PLAUR: variants seen among roughly 807,000 people sequenced by gnomAD.
PLAUR encodes the protein plasminogen activator, urokinase receptor.
In PLAUR, 22 loss-of-function variants were observed where a neutral mutation model predicts 33.4. That is an observed-to-expected ratio of 0.66 (90% CI 0.47 to 0.94). The LOEUF is 0.94. PLAUR is among the 40% of genes least tolerant of loss of function. PLAUR has a pLI of 0.00. For synonymous variants in PLAUR, 148 were observed against 167.3 expected, an observed-to-expected ratio of 0.88 and a Z score of 0.89; for missense variants, 408 against 434.7, an observed-to-expected ratio of 0.94 and a Z score of 0.55.
intron 3 of PLAUR, among the ~76,000 whole-genome samples, chr19:43,662,777 C>T (rs1053048317): frequency 6.6e-6 from 1 of 151,166 alleles, no homozygotes; most frequent in Non-Finnish European, 1.5e-5. Context: ...TACAGTGGTG[C>T]GATCATAGCT....
chr19:43,661,226 C>T (rs1349456534), intron 3 of PLAUR: 2 of 152,160 alleles, frequency 1.3e-5, no homozygotes, highest in East Asian at 1.9e-4. Context: ...AAACTCCAAC[C>T]TCCGTCTTCT....
chr19:43,667,770 TACCAAC>T lies in PLAUR; in HGVS notation c.56-85_56-80del, dbSNP rs749021473. 1.4e-5 allele frequency: 21 copies of T among 1,550,238 alleles called. No individual in the cohort carries two copies. The African/African-American group carries it at 1.9e-4, about 14-fold the overall frequency. On this transcript the variant is annotated intron_variant, in intron 1 of 6. Coordinates refer to ENST00000340093, the MANE Select transcript of PLAUR (RefSeq NM_002659.4). ...CCCCGCTCACCCCTGCATGTCCCAA[TACCAAC>T]ACCAAGTCTCCAGGCCCCGTCCATT...
chr19:43,668,502 C>T lies in PLAUR; in HGVS notation c.56-811G>A, dbSNP rs376425544. Among the ~76,000 whole-genome samples the T allele has an allele frequency of 5.4e-5, 8 of 149,160 alleles. No homozygotes were observed. The East Asian group carries it at 8.0e-4, about 15-fold the overall frequency. On this transcript the variant is annotated intron_variant, in intron 1 of 6. Transcript: ENST00000340093. Reference sequence around the variant, plus strand: ...TTGAGATTCTAACTTCGCCCTTTAGCTCTCCCCGCCCCTAGTTTTCCCCTG... The same window carrying T: ...TTGAGATTCTAACTTCGCCCTTTAGTTCTCCCCGCCCCTAGTTTTCCCCTG...
chr19:43,664,533 C>G (rs572264619), intron 3 of PLAUR, among the ~76,000 whole-genome samples: 1 of 152,332 alleles, frequency 6.6e-6, no homozygotes, highest in African/African-American at 2.4e-5. Flanking sequence ...TGGTCTTAAA[C>G]TCTTGGGCTC....
rs76541441 is a variant in PLAUR, at chr19:43,664,706, T to C, written c.310+610A>G. ...CCAGCCTACTGCGGCCCATTTAATCTTCCCCTCTTTCGACTTCCCTTAAGA... is the reference window on the plus strand; with the variant it reads ...CCAGCCTACTGCGGCCCATTTAATCCTCCCCTCTTTCGACTTCCCTTAAGA... On this transcript the variant is annotated intron_variant, in intron 3 of 6. Coordinates refer to ENST00000340093, the MANE Select transcript of PLAUR (RefSeq NM_002659.4). Among the ~76,000 whole-genome samples the C allele has an allele frequency of 4.1e-3, 623 of 152,334 alleles. 5 individuals are homozygous for C. Among genetic ancestry groups the C allele is most frequent in the African/African-American group, 0.014 (591 of 41,576 alleles).
In PLAUR at chr19:43,652,211, G is replaced by C; in HGVS notation, c.754+14C>G. 2 of 1,613,484 alleles carry C rather than the reference G, an allele frequency of 1.2e-6. No individual in the cohort carries two copies. Among genetic ancestry groups the C allele is most frequent in the African/African-American group, 1.3e-5 (1 of 74,998 alleles). On this transcript the variant is annotated intron_variant, in intron 6 of 6. Transcript: ENST00000340093. ...CCAATAAGTGTTCCCTCCCAGCCTC[G>C]GAGAGGGCCTCACCGTGAGTGCCGG...
rs767537419 is a variant in PLAUR at position 43,670,127 on chromosome 19, AGGGCAGCTCCTGTGCGCG to A, written c.-25_-8del. 1.1e-5 allele frequency: 17 copies of A among 1,609,594 alleles called. No individual in the cohort carries two copies. The highest frequency in any genetic ancestry group is 1.4e-5 in the Non-Finnish European group (17 of 1,177,716). Reference sequence around the variant, plus strand: ...GCAGCGGCGGGTGACCCATGTCGCGAGGGCAGCTCCTGTGCGCGGGGTCCCTGCACGTCTTCTCTCCTT... The same window carrying A: ...GCAGCGGCGGGTGACCCATGTCGCGAGGGTCCCTGCACGTCTTCTCTCCTT... On this transcript the variant is annotated 5_prime_UTR_variant, in exon 1 of 7. Transcript: ENST00000340093.
chr19:43,646,890 C>T (rs932506153), downstream of PLAUR, among the ~76,000 whole-genome samples: 1 of 148,814 alleles, frequency 6.7e-6, no homozygotes. Flanking sequence ...AAGCGATTCT[C>T]CTGCCTCAGC....
rs4251819 is a variant in PLAUR at position 43,667,057 on chromosome 19, G to T, written c.166+524C>A. Among the ~76,000 whole-genome samples, 965 of 150,182 alleles carry T rather than the reference G, an allele frequency of 6.4e-3. 7 individuals are homozygous for T. The highest frequency in any genetic ancestry group is 0.022 in the African/African-American group (917 of 40,814). On this transcript the variant is annotated intron_variant, in intron 2 of 6. Coordinates refer to ENST00000340093, the MANE Select transcript of PLAUR (RefSeq NM_002659.4). ...ACACTCGGCTAATTTTTCCTTTTTTGTGTGTGTGTGGAGACGGGTGTTTCA... is the reference window on the plus strand; with the variant it reads ...ACACTCGGCTAATTTTTCCTTTTTTTTGTGTGTGTGGAGACGGGTGTTTCA...
intron 4 of PLAUR, 146 bp downstream of exon 4, chr19:43,656,333 C>T: frequency 3.3e-6 from 2 of 612,446 alleles, no homozygotes; most frequent in South Asian, 3.1e-5. Flanking sequence ...GTCCTTGTGG[C>T]CCTGGACTTC....
chr19:43,659,989 A>C (rs1974377317), intron 3 of PLAUR, among the ~76,000 whole-genome samples: 1 of 152,050 alleles, frequency 6.6e-6, no homozygotes, highest in Admixed American at 6.6e-5. Context: ...CTGTCCTATA[A>C]TCCAATATCT....
intron 3 of PLAUR, among the ~76,000 whole-genome samples, chr19:43,662,076 G>A (rs1967021799): frequency 6.6e-6 from 1 of 152,114 alleles, no homozygotes; most frequent in Non-Finnish European, 1.5e-5. Flanking sequence ...CTGCACACCT[G>A]ACACCCTAGT....
At chr19:43,669,078 C>G (rs1163500041) in intron 1 of PLAUR, among the ~76,000 whole-genome samples, 5 of 152,124 alleles carry the variant, frequency 3.3e-5, no homozygotes, top group Admixed American at 2.0e-4. Context: ...CGGTCTCGAG[C>G]GCTTTCCGGG....
Position 43,656,534 on chromosome 19 carries a change from G to C in PLAUR, c.417C>G (p.Ser139Arg), listed in dbSNP as rs1325670726. ...CCACATCCAGGCACTGTTCTTCAGG[G>C]CTGCGGCACTGCAGGCTCTGGTGCC... is the stretch of plus-strand genomic sequence containing the variant. ...RGRHQSLQCR[S>R]PEEQCLDVVT... The change falls in exon 4 of 7, where the codon AGC becomes AGG. Residue 139 changes from serine (S) to arginine (R), a missense_variant. Transcript: ENST00000340093. 1 of 1,611,540 alleles carries C rather than the reference G, an allele frequency of 6.2e-7. No individual in the cohort carries two copies. Among genetic ancestry groups the C allele is most frequent in the African/African-American group, 1.3e-5 (1 of 74,918 alleles).
At chr19:43,647,065 C>A (rs1390260892), downstream of PLAUR, among the ~76,000 whole-genome samples, 1 of 152,114 alleles carries the variant, frequency 6.6e-6, no homozygotes, top group Non-Finnish European at 1.5e-5. Flanking sequence ...CAGGCGTGAA[C>A]CACCACAGCC....
rs146323783 is a variant in PLAUR, at chr19:43,653,900, C to T, written c.608-1529G>A. ...CAGCACTTTGGGAGGCTGAGTCAGG[C>T]GGATCATGAGGTCAGGAGATCGAGA... On this transcript the variant is annotated intron_variant, in intron 5 of 6. Transcript: ENST00000340093. Among the ~76,000 whole-genome samples, 863 of 152,004 alleles carry T rather than the reference C, an allele frequency of 5.7e-3. 11 individuals are homozygous for T. Among genetic ancestry groups the T allele is most frequent in the African/African-American group, 0.019 (796 of 41,440 alleles).
At chr19:43,667,257 C>G (rs573992222) in intron 2 of PLAUR, 23 of 383,362 alleles carry the variant, frequency 6.0e-5, no homozygotes, top group Middle Eastern at 1.5e-3. Flanking sequence ...TATATGTGGC[C>G]AAGGTTCTTT....
chr19:43,654,271 C>T (rs533397273), intron 5 of PLAUR, among the ~76,000 whole-genome samples: 33 of 151,978 alleles, frequency 2.2e-4, no homozygotes, highest in Admixed American at 2.1e-3. Flanking sequence ...GCCTGGGTGG[C>T]AGAGCAAGAC....
At chr19:43,653,359 G>A (rs943102852) in intron 5 of PLAUR, among the ~76,000 whole-genome samples, 1 of 152,184 alleles carries the variant, frequency 6.6e-6, no homozygotes, top group Admixed American at 6.5e-5. Context: ...GACAGTGAAA[G>A]CATCCCTGAA....
Sources: gnomAD v4.1 joint callset for allele counts (sites outside exome capture counted in the v4.1 genomes callset) on GRCh38, gnomAD v4.1.1 for gene constraint, MANE v1.5 for transcripts, NCBI Gene and HGNC (gene_info 2026-07-23, HGNC 2026-07-21) for gene names.